PPP1R16B: variants seen among roughly 807,000 people sequenced by gnomAD.
PPP1R16B encodes protein phosphatase 1 regulatory inhibitor subunit 16B.
PPP1R16B carries 14 observed loss-of-function variants against 61.7 expected under a neutral mutation model. The observed-to-expected ratio is 0.23, with a 90% CI of 0.15 to 0.35. The LOEUF (loss-of-function observed/expected upper bound fraction) is 0.35, where lower values mean the gene tolerates loss of function less well. Among genes scored for constraint, PPP1R16B ranks in the 10% least tolerant of loss-of-function variants. The pLI is 1.00. For synonymous variants in PPP1R16B, 266 were observed against 305.3 expected, an observed-to-expected ratio of 0.87 and a Z score of 1.34; for missense variants, 547 against 752.5, an observed-to-expected ratio of 0.73 and a Z score of 3.19.
rs745542021 is a variant in PPP1R16B, at chr20:38,921,226, TG to T, written c.*2564del. 7.9e-5 allele frequency: 12 copies of T among 152,234 alleles called. No homozygotes were observed. The highest frequency in any genetic ancestry group is 1.5e-4 in the Non-Finnish European group (10 of 68,044). 9.4% of individuals were successfully genotyped at this position (152,234 alleles called of 1,614,324 possible). On this transcript the variant is annotated 3_prime_UTR_variant, in exon 11 of 11. Coordinates refer to ENST00000299824, the MANE Select transcript of PPP1R16B (RefSeq NM_015568.4). ...ATCCCTTCTTGGGGCTTTAAGTCCC[TG>T]GGGAGCTTTCCCTGTAGGTCTCCTG...
At chr20:38,909,011 GT>G (rs1023047885) in intron 10 of PPP1R16B, among the ~76,000 whole-genome samples, 4 of 151,582 alleles carry the variant, frequency 2.6e-5, no homozygotes, top group African/African-American at 7.3e-5. Flanking sequence ...TATTTTATTG[GT>G]TTTTTTTGAG....
chr20:38,898,948 A>T (rs557996779), intron 4 of PPP1R16B, among the ~76,000 whole-genome samples: 50 of 152,330 alleles, frequency 3.3e-4, no homozygotes, highest in Non-Finnish European at 6.9e-4. Flanking sequence ...GCACACAGGG[A>T]TGCAGAAGTC....
At chr20:38,906,280 T>A (rs1254899215) in intron 7 of PPP1R16B, among the ~76,000 whole-genome samples, 186 bp downstream of exon 7, 1 of 145,016 alleles carries the variant, frequency 6.9e-6, no homozygotes, top group Non-Finnish European at 1.5e-5. Context: ...CAAAGCAAGT[T>A]GTGTTTTTTT....
chr20:38,918,313 C>G lies in PPP1R16B; in HGVS notation c.1351C>G (p.Pro451Ala). ...GGATGTCTGGAAGGTGCATGAGGTG[C>G]CTGACTACAGCATGGCCTATGGCAA... is the stretch of plus-strand genomic sequence containing the variant. The part of the protein sequence containing the change: ...NGDVWKVHEV[P>A]DYSMAYGNPG... Residue 451 changes from proline to alanine, a missense_variant, in exon 11 of 11, where the codon CCT becomes GCT. Physicochemically the swap from Pro to Ala is conservative, Grantham distance 27. Coordinates refer to ENST00000299824, the MANE Select transcript of PPP1R16B (RefSeq NM_015568.4). The surrounding 1 kb of genome is among the most constrained non-coding windows in gnomAD (Gnocchi z 5.3). 6.2e-7 allele frequency: 1 copy of G among 1,614,196 alleles called. No individual in the cohort carries two copies.
intron 1 of PPP1R16B, among the ~76,000 whole-genome samples, chr20:38,810,327 C>A (rs911352549): frequency 6.6e-6 from 1 of 152,200 alleles, no homozygotes; most frequent in Non-Finnish European, 1.5e-5. Flanking sequence ...GGCTATCCTG[C>A]CGGGAGCCCC....
intron 10 of PPP1R16B, among the ~76,000 whole-genome samples, chr20:38,912,921 G>C (rs1166657446): frequency 6.6e-6 from 1 of 152,146 alleles, no homozygotes; most frequent in Non-Finnish European, 1.5e-5. Flanking sequence ...CTAGACTGGA[G>C]TGCAGTGGCG....
At chr20:38,838,527 A>G (rs2084887358) in intron 2 of PPP1R16B, 2 of 152,318 alleles carry the variant, frequency 1.3e-5, no homozygotes, top group Admixed American at 1.3e-4. Flanking sequence ...AGCCTGGGTG[A>G]AAAGAGAGGT....
At chr20:38,913,640 T>A (rs2085509674) in intron 10 of PPP1R16B, among the ~76,000 whole-genome samples, 1 of 152,052 alleles carries the variant, frequency 6.6e-6, no homozygotes, top group Admixed American at 6.5e-5. Context: ...GACCACAGAA[T>A]TGGCAAGATC....
At chr20:38,914,947 C>T (rs1263734699) in intron 10 of PPP1R16B, among the ~76,000 whole-genome samples, 2 of 152,276 alleles carry the variant, frequency 1.3e-5, no homozygotes, top group Admixed American at 1.3e-4. Flanking sequence ...GGATTACAGG[C>T]ATGAGCCACT....
At chr20:38,868,105 T>C (rs1439479390) in intron 2 of PPP1R16B, among the ~76,000 whole-genome samples, 1 of 152,200 alleles carries the variant, frequency 6.6e-6, no homozygotes, top group East Asian at 1.9e-4. Flanking sequence ...CCCTGGGCTG[T>C]TTTCCATCTA....
At chr20:38,817,820 G>A (rs900748281) in intron 1 of PPP1R16B, among the ~76,000 whole-genome samples, 42 of 152,208 alleles carry the variant, frequency 2.8e-4, no homozygotes, top group African/African-American at 9.6e-4. Flanking sequence ...CGAGGCGGGC[G>A]GATCACGAGG....
rs1265046063 is a variant in PPP1R16B, at chr20:38,806,048, G to A, written c.-102+256G>A. Among the ~76,000 whole-genome samples the A allele has an allele frequency of 6.6e-6, 1 of 152,026 alleles. No individual in the cohort carries two copies. The highest frequency in any genetic ancestry group is 1.5e-5 in the Non-Finnish European group (1 of 67,954). On this transcript the variant is annotated intron_variant, in intron 1 of 10. Transcript: ENST00000299824. This position sits in a 1 kb window ranked among gnomAD's most constrained non-coding sequence, Gnocchi z 4.5. ...GCCTCGCAATTCCTTGACGAGGCCA[G>A]GGGAGGGGGCGCATTGGCAGGTTGT...
intron 1 of PPP1R16B, among the ~76,000 whole-genome samples, chr20:38,825,975 G>A (rs1002759836): frequency 6.6e-6 from 1 of 152,180 alleles, no homozygotes; most frequent in African/African-American, 2.4e-5. Flanking sequence ...TCCTCACAGT[G>A]CACCAAGTAG....
At chr20:38,914,394 T>G (rs2085516283) in intron 10 of PPP1R16B, among the ~76,000 whole-genome samples, 2 of 152,086 alleles carry the variant, frequency 1.3e-5, no homozygotes, top group African/African-American at 4.8e-5. Context: ...GGGGGTTTTG[T>G]TTAACCTTCC....
intron 1 of PPP1R16B, among the ~76,000 whole-genome samples, chr20:38,826,513 A>G (rs2084806162): frequency 6.6e-6 from 1 of 152,178 alleles, no homozygotes; most frequent in Non-Finnish European, 1.5e-5. Flanking sequence ...CAGTGTGTTC[A>G]TGGGTATTCC....
chr20:38,819,815 G>T (rs1340128404), intron 1 of PPP1R16B, among the ~76,000 whole-genome samples: 20 of 151,958 alleles, frequency 1.3e-4, no homozygotes, highest in Non-Finnish European at 5.9e-5. Flanking sequence ...GATTTCTTAA[G>T]GAAAAACAAA....
chr20:38,917,290 C>T (rs1293679051), intron 10 of PPP1R16B, among the ~76,000 whole-genome samples: 9 of 141,326 alleles, frequency 6.4e-5, no homozygotes, highest in Non-Finnish European at 1.2e-4. Flanking sequence ...AGCAAGACTC[C>T]GTCTCAAAAA....
At chr20:38,885,435 C>T (rs140020495) in intron 2 of PPP1R16B, among the ~76,000 whole-genome samples, 4 of 152,310 alleles carry the variant, frequency 2.6e-5, no homozygotes, top group South Asian at 2.1e-4. Context: ...GTTCCAGAAG[C>T]AAAGGTCACT....
At chr20:38,869,934 T>TTA (rs1568668309) in intron 2 of PPP1R16B, among the ~76,000 whole-genome samples, 8 of 150,794 alleles carry the variant, frequency 5.3e-5, no homozygotes, top group African/African-American at 1.2e-4. Context: ...TTATTTTTTT[T>TTA]TTTTTTTAAG....
Sources: gnomAD v4.1 joint callset for allele counts (sites outside exome capture counted in the v4.1 genomes callset) on GRCh38, gnomAD v4.1.1 for gene constraint, Gnocchi (gnomAD v3.1) non-coding constraint, MANE v1.5 for transcripts, NCBI Gene and HGNC (gene_info 2026-07-23, HGNC 2026-07-21) for gene names.